EPB41L2: variants seen among roughly 807,000 people sequenced by gnomAD.
EPB41L2 encodes band 4.1-like protein 2.
EPB41L2 carries 43 observed loss-of-function variants against 113.0 expected under a neutral mutation model. That is an observed-to-expected ratio of 0.38 (90% CI 0.30 to 0.49). The LOEUF is 0.49. Among genes scored for constraint, EPB41L2 ranks in the 20% least tolerant of loss-of-function variants. The probability of loss-of-function intolerance (pLI) is 0.95; values close to 1 mark genes in which losing one functional copy is unlikely to be tolerated. For missense variants in EPB41L2, 1,147 were observed against 1,223.4 expected (o/e 0.94, Z 0.93); for synonymous variants, 442 against 436.7 (o/e 1.01, Z -0.15).
At chr6:131,047,451 T>C (rs1237072526) in intron 1 of EPB41L2, among the ~76,000 whole-genome samples, 2 of 152,230 alleles carry the variant, frequency 1.3e-5, no homozygotes, top group African/African-American at 4.8e-5. Flanking sequence ...TAATTCAATG[T>C]CTTTGCAAGG....
chr6:131,059,276 G>A (rs923140804), intron 1 of EPB41L2, among the ~76,000 whole-genome samples: 6 of 151,964 alleles, frequency 3.9e-5, no homozygotes, highest in African/African-American at 9.7e-5. Context: ...CACCACGCCT[G>A]GCTAATTTTC....
chr6:131,014,268 A>G (rs1244292027), intron 1 of EPB41L2: 1 of 152,216 alleles, frequency 6.6e-6, no homozygotes, highest in African/African-American at 2.4e-5. Flanking sequence ...AGGTGAGGGT[A>G]GGAGGTGGTA....
At chr6:130,954,930 T>C (rs981708673) in intron 3 of EPB41L2, among the ~76,000 whole-genome samples, 175 bp downstream of exon 3, 1 of 152,216 alleles carries the variant, frequency 6.6e-6, no homozygotes, top group East Asian at 1.9e-4. Context: ...TCCCTGCTTA[T>C]CCCAAGGTCA....
At chr6:130,956,810 C>T (rs1166267700) in intron 1 of EPB41L2, among the ~76,000 whole-genome samples, 2 of 152,128 alleles carry the variant, frequency 1.3e-5, no homozygotes, top group Non-Finnish European at 2.9e-5. Flanking sequence ...TTGGTTTCAA[C>T]TTGTTATAAA....
rs569487248 is a variant in EPB41L2, at chr6:131,021,420, C to G, written c.-15+41735G>C. On this transcript the variant is annotated intron_variant, in intron 1 of 19. Coordinates refer to ENST00000337057, the MANE Select transcript of EPB41L2 (RefSeq NM_001431.4). ...CAAAAAAATGAATCAGGGAAGCAAGCAAGGTATACACCCCAAAATATGGCA... is the reference window on the plus strand; with the variant it reads ...CAAAAAAATGAATCAGGGAAGCAAGGAAGGTATACACCCCAAAATATGGCA... 5.9e-5 allele frequency among the ~76,000 whole-genome samples: 9 copies of G among 152,260 alleles called. No homozygotes were observed. In the East Asian group the frequency reaches 1.7e-3, roughly 29 times the overall value.
chr6:130,882,416 CAGT>C (rs962585212), intron 12 of EPB41L2: 76 of 152,588 alleles, frequency 5.0e-4, no homozygotes, highest in African/African-American at 1.8e-3. Flanking sequence ...TGAGGGTAAT[CAGT>C]GGTGAAATGT....
Position 130,885,114 on chromosome 6 carries a change from C to T in EPB41L2, c.1815G>A (p.Leu605=), listed in dbSNP as rs190811358. The T allele has an allele frequency of 8.9e-4, 1,436 of 1,614,094 alleles. 14 individuals carry two copies. Among genetic ancestry groups the T allele is most frequent in the Non-Finnish European group, 1.9e-4 (228 of 1,179,974 alleles). Reference sequence around the variant, plus strand: ...ACCATACCTTTCCTTCAATGAGCTGCAAATGTGGGGCTTTAGTTGGGCTTC... The same window carrying T: ...ACCATACCTTTCCTTCAATGAGCTGTAAATGTGGGGCTTTAGTTGGGCTTC... ...EVRSPTKAPH[L]QLIEGKKNSL... The change falls in exon 12 of 20, where the codon TTG becomes TTA. Residue 605 remains leucine, a synonymous_variant. Transcript: ENST00000337057.
At chr6:130,926,962 T>C (rs1038400945) in intron 3 of EPB41L2, among the ~76,000 whole-genome samples, 3 of 152,132 alleles carry the variant, frequency 2.0e-5, no homozygotes, top group Admixed American at 2.0e-4. Context: ...AATATAGACA[T>C]AAAAAGGACG....
intron 1 of EPB41L2, among the ~76,000 whole-genome samples, chr6:131,047,681 G>C (rs1181041529): frequency 6.6e-6 from 1 of 152,110 alleles, no homozygotes; most frequent in Non-Finnish European, 1.5e-5. Flanking sequence ...CTGCCAGACA[G>C]AACCATATAC....
intron 1 of EPB41L2, among the ~76,000 whole-genome samples, chr6:131,019,591 T>C (rs547863020): frequency 3.7e-4 from 56 of 152,326 alleles, no homozygotes; most frequent in African/African-American, 1.2e-3. Context: ...CTAAATTAGT[T>C]AGCATTTTCC....
chr6:131,033,681 T>C lies in EPB41L2; in HGVS notation c.-15+29474A>G, dbSNP rs146314100. On this transcript the variant is annotated intron_variant, in intron 1 of 19. Transcript: ENST00000337057. ...ACTATGCTAAGTGAAATAAGCCAGA[T>C]AAAGAAAGACAAATATTGTATGATT... 4.9e-4 allele frequency among the ~76,000 whole-genome samples: 74 copies of C among 152,248 alleles called. 2 individuals carry two copies. In the East Asian group the frequency reaches 0.013, roughly 27 times the overall value.
chr6:130,908,742 C>A, intron 5 of EPB41L2, 79 bp downstream of exon 5: 1 of 1,078,556 alleles, frequency 9.3e-7, no homozygotes, highest in Non-Finnish European at 1.3e-6. Context: ...TAGAACTGAC[C>A]ATTCTATTAC....
At chr6:130,869,530 A>C in intron 15 of EPB41L2, 33 bp downstream of exon 15, 3 of 1,590,640 alleles carry the variant, frequency 1.9e-6, no homozygotes, top group Non-Finnish European at 2.6e-6. Context: ...AAGCAGCTCT[A>C]GAGTTTGGCT....
intron 6 of EPB41L2, among the ~76,000 whole-genome samples, chr6:130,901,497 A>T (rs1325216547): frequency 6.6e-6 from 1 of 152,104 alleles, no homozygotes; most frequent in Non-Finnish European, 1.5e-5. Context: ...TGTAATAAAA[A>T]TTAGCACGCC....
In EPB41L2 at chr6:130,880,210, T is replaced by C. The variant is rs757914748; in HGVS notation, c.1834-4A>G. ...CTTCTACTCTCAAGGAATTTTTCTG[T>C]GAAATTAAATCACACACAGGGGGGA... On this transcript the variant is annotated splice_region_variant and splice_polypyrimidine_tract_variant and intron_variant, in intron 12 of 19. Transcript: ENST00000337057. The C allele has an allele frequency of 3.7e-6, 6 of 1,602,518 alleles. No homozygotes were observed. The South Asian group carries it at 6.6e-5, about 18-fold the overall frequency.
intron 3 of EPB41L2, among the ~76,000 whole-genome samples, chr6:130,942,717 A>G (rs959479134): frequency 6.6e-6 from 1 of 152,170 alleles, no homozygotes; most frequent in African/African-American, 2.4e-5. Flanking sequence ...CCTGTCATCT[A>G]CATTAGGTAT....
chr6:130,998,246 T>C (rs912902845), intron 1 of EPB41L2, among the ~76,000 whole-genome samples: 7 of 152,230 alleles, frequency 4.6e-5, no homozygotes, highest in African/African-American at 1.7e-4. Flanking sequence ...TCCAAGATCT[T>C]TTGAATTCCA....
chr6:130,870,821 TAAA>T (rs554695255), intron 14 of EPB41L2, among the ~76,000 whole-genome samples: 1 of 140,876 alleles, frequency 7.1e-6, no homozygotes, highest in Admixed American at 7.1e-5. Context: ...TGGTTTTCTT[TAAA>T]AAAAAAAAAA....
chr6:130,982,002 AT>A, intron 1 of EPB41L2, among the ~76,000 whole-genome samples: 1 of 152,146 alleles, frequency 6.6e-6, no homozygotes, highest in Middle Eastern at 3.4e-3. Context: ...AATAATAGTG[AT>A]TTTAAAAGTT....
Sources: allele counts gnomAD v4.1 joint callset (sites outside exome capture counted in the v4.1 genomes callset), GRCh38; gene constraint gnomAD v4.1.1; transcripts MANE v1.5; gene names NCBI Gene and HGNC (gene_info 2026-07-23, HGNC 2026-07-21).